The following PTCHD1 variants were observed in gnomAD, a reference collection of about 807,000 sequenced individuals.
PTCHD1 encodes patched domain-containing protein 1.
In PTCHD1, 3 loss-of-function variants were observed where a neutral mutation model predicts 34.6. The ratio of observed to expected loss-of-function variants is 0.09; its 90% CI spans 0.04 to 0.22. The LOEUF (loss-of-function observed/expected upper bound fraction) is 0.22. PTCHD1 is among the 10% of genes least tolerant of loss of function. The probability of loss-of-function intolerance (pLI) is 1.00; values close to 1 mark genes in which losing one functional copy is unlikely to be tolerated. For synonymous variants in PTCHD1, 305 were observed against 283.1 expected, an observed-to-expected ratio of 1.08 and a Z score of -0.77; for missense variants, 504 against 685.5, an observed-to-expected ratio of 0.74 and a Z score of 2.96.
At chrX:23,350,774 A>T (rs1032537640) in intron 1 of PTCHD1, among the ~76,000 whole-genome samples, 8 of 110,977 alleles carry the variant, frequency 7.2e-5, no homozygotes, top group African/African-American at 2.6e-4. Flanking sequence ...AAGGTAGAGA[A>T]GTCAGAAGAA....
At chrX:23,368,126 A>T (rs367687341) in intron 1 of PTCHD1, among the ~76,000 whole-genome samples, 129 of 83,238 alleles carry the variant, frequency 1.5e-3, no homozygotes, top group African/African-American at 8.6e-3. Flanking sequence ...TTCTGTATTT[A>T]AAAAAAAAAA....
Position 23,353,545 on chromosome X carries a change from C to T in PTCHD1, c.351+18319C>T, listed in dbSNP as rs576127930. Among the ~76,000 whole-genome samples the T allele has an allele frequency of 4.5e-5, 5 of 111,410 alleles. No individual in the cohort carries two copies. The South Asian group carries it at 1.1e-3, about 26-fold the overall frequency. On this transcript the variant is annotated intron_variant, in intron 1 of 2. Transcript: ENST00000379361. ...CGGAGGTTGCGGTGAGCGGAGATCG[C>T]GCCACTGCACTCCAGCCTGGGCAAC...
At chrX:23,361,707 T>G (rs955569691) in intron 1 of PTCHD1, among the ~76,000 whole-genome samples, 4 of 112,208 alleles carry the variant, frequency 3.6e-5, no homozygotes, top group African/African-American at 9.7e-5. Flanking sequence ...GTTAGCTGGT[T>G]ATTTTGCCCA....
rs1922983825 is a variant in PTCHD1, at chrX:23,396,131, G to A, written c.*1946G>A. The stretch of plus-strand genomic sequence containing the variant: ...TTCCAAAAGGCCAAATAATTCAGAT[G>A]TAACCACACCAAGTGCAAACCTGTG... On this transcript the variant is annotated 3_prime_UTR_variant, in exon 3 of 3. Coordinates refer to ENST00000379361, the MANE Select transcript of PTCHD1 (RefSeq NM_173495.3). The A allele has an allele frequency of 8.9e-6, 1 of 112,421 alleles. No homozygotes were observed. Among genetic ancestry groups the A allele is most frequent in the African/African-American group, 3.2e-5 (1 of 30,886 alleles). The allele number at this position is 112,421 out of a possible 1,213,427, so 9.3% of individuals were successfully genotyped here. A position where few individuals can be genotyped will look rare whatever the true frequency, so the allele number is the denominator to read the frequency against.
At chrX:23,385,563 C>T (rs1922667709) in intron 2 of PTCHD1, among the ~76,000 whole-genome samples, 1 of 111,700 alleles carries the variant, frequency 9.0e-6, no homozygotes, top group African/African-American at 3.3e-5. Flanking sequence ...CTAGTATCTA[C>T]ATTTGGACTA....
At position 23,355,834 on chromosome X, in the gene PTCHD1, A is replaced by G. The variant is rs559459480; in HGVS notation, c.351+20608A>G. ...ATATTCTCATTCCAATGTGCTAGCCATTTTACAAATGCATATATTAATATC... is the reference window on the plus strand; with the variant it reads ...ATATTCTCATTCCAATGTGCTAGCCGTTTTACAAATGCATATATTAATATC... On this transcript the variant is annotated intron_variant, in intron 1 of 2. Transcript: ENST00000379361. Among the ~76,000 whole-genome samples, 5 of 112,497 alleles carry G rather than the reference A, an allele frequency of 4.4e-5. No individual in the cohort carries two copies. In the South Asian group the frequency reaches 1.1e-3, roughly 25 times the overall value.
chrX:23,354,489 G>A (rs1921741837), intron 1 of PTCHD1, among the ~76,000 whole-genome samples: 1 of 75,860 alleles, frequency 1.3e-5, no homozygotes, highest in Non-Finnish European at 2.2e-5. Flanking sequence ...AAAATTTGAA[G>A]TACACAAATA....
At chrX:23,341,241 A>G (rs1241554794) in intron 1 of PTCHD1, among the ~76,000 whole-genome samples, 3 of 111,939 alleles carry the variant, frequency 2.7e-5, no homozygotes, top group Non-Finnish European at 3.8e-5. Flanking sequence ...TTAGGAAAGG[A>G]TGATTCTATT....
Position 23,397,194 on chromosome X carries a change from T to C in PTCHD1, c.*3009T>C, listed in dbSNP as rs1923011110. On this transcript the variant is annotated 3_prime_UTR_variant, in exon 3 of 3. Transcript: ENST00000379361. ...CTCCTGGTCAACTAAAAAACTGTGA[T>C]ACTGGGACTTTTTTGGCCATTCATA... The C allele has an allele frequency of 1.8e-5, 2 of 112,289 alleles. No homozygotes were observed. The highest frequency in any genetic ancestry group is 6.5e-5 in the African/African-American group (2 of 30,919). The allele number at this position is 112,289 out of a possible 1,213,427, so 9.3% of individuals were successfully genotyped here. A position where few individuals can be genotyped will look rare whatever the true frequency, so the allele number is the denominator to read the frequency against.
rs1923065742 is a variant in PTCHD1 at position 23,399,321 on chromosome X, A to G, written c.*5136A>G. ...CTTTACTGCCAAATTCTATTCATCT[A>G]AATTATTGGGGTCTTAACCTGGGGG... On this transcript the variant is annotated 3_prime_UTR_variant, in exon 3 of 3. Transcript: ENST00000379361. 8.9e-6 allele frequency: 1 copy of G among 111,854 alleles called. No individual in the cohort carries two copies. The highest frequency in any genetic ancestry group is 9.5e-5 in the Admixed American group (1 of 10,533). The allele number at this position is 111,854 out of a possible 1,213,427, so 9.2% of individuals were successfully genotyped here. A position where few individuals can be genotyped will look rare whatever the true frequency, so the allele number is the denominator to read the frequency against.
intron 1 of PTCHD1, among the ~76,000 whole-genome samples, chrX:23,357,199 C>G (rs1373587192): frequency 9.0e-6 from 1 of 111,485 alleles, no homozygotes; most frequent in Non-Finnish European, 1.9e-5. Flanking sequence ...AAGGAAAAGA[C>G]AAAACAGCCT....
chrX:23,364,194 G>A (rs946825218), intron 1 of PTCHD1, among the ~76,000 whole-genome samples: 1 of 110,777 alleles, frequency 9.0e-6, no homozygotes, highest in Admixed American at 9.6e-5. Context: ...TTCCTCTGGG[G>A]ATAGTGGGGT....
At chrX:23,354,573 C>CTTT (rs1205812443) in intron 1 of PTCHD1, among the ~76,000 whole-genome samples, 5 of 86,593 alleles carry the variant, frequency 5.8e-5, no homozygotes, top group African/African-American at 1.7e-4. Context: ...AGGTGAAATT[C>CTTT]TTTTTTTTTT....
upstream of PTCHD1, chrX:23,334,528 C>CCGCGCGG (rs1399121687): frequency 9.2e-6 from 1 of 108,488 alleles, no homozygotes; most frequent in Admixed American, 9.5e-5. Flanking sequence ...GGGGACGCGG[C>CCGCGCGG]CGCGCGGCGC....
chrX:23,369,116 C>T (rs1267496829), intron 1 of PTCHD1, among the ~76,000 whole-genome samples: 1 of 112,158 alleles, frequency 8.9e-6, no homozygotes, highest in Non-Finnish European at 1.9e-5. Flanking sequence ...GCTATTTTGA[C>T]TGATGAAAGT....
intron 1 of PTCHD1, among the ~76,000 whole-genome samples, chrX:23,368,706 T>C (rs1922206272): frequency 8.9e-6 from 1 of 112,311 alleles, no homozygotes. Context: ...AAATATGTTC[T>C]GTAAAGTTTT....
chrX:23,359,549 C>T (rs1016418662), intron 1 of PTCHD1, among the ~76,000 whole-genome samples: 16 of 112,068 alleles, frequency 1.4e-4, no homozygotes, highest in South Asian at 3.7e-4. Flanking sequence ...AGATTTTGGG[C>T]TGAGACGATG....
At chrX:23,336,410 G>A (rs969242109) in intron 1 of PTCHD1, among the ~76,000 whole-genome samples, 6 of 111,476 alleles carry the variant, frequency 5.4e-5, no homozygotes, top group African/African-American at 2.0e-4. Flanking sequence ...TCTGGTACTA[G>A]AGGCTGGTTA....
At position 23,360,719 on chromosome X, in the gene PTCHD1, C is replaced by T. The variant is rs749529071; in HGVS notation, c.352-18872C>T. On this transcript the variant is annotated intron_variant, in intron 1 of 2. Coordinates refer to ENST00000379361, the MANE Select transcript of PTCHD1 (RefSeq NM_173495.3). The stretch of plus-strand genomic sequence containing the variant: ...TTGAATGTCTTTGCTCTTGCTACTC[C>T]AGTTCTTTTAATTGTGATGTTAGGG... Among the ~76,000 whole-genome samples, 258 of 111,102 alleles carry T rather than the reference C, an allele frequency of 2.3e-3. 1 individual carries two copies. The highest frequency in any genetic ancestry group is 8.2e-3 in the African/African-American group (250 of 30,560).
Sources: gnomAD v4.1 joint callset for allele counts (sites outside exome capture counted in the v4.1 genomes callset) on GRCh38, gnomAD v4.1.1 for gene constraint, MANE v1.5 for transcripts, NCBI Gene and HGNC (gene_info 2026-07-23, HGNC 2026-07-21) for gene names.